ADAMTSL3: variants seen among roughly 807,000 people sequenced by gnomAD.
The protein encoded by ADAMTSL3 is ADAMTS like 3, also known as ADAMTS-like protein 3.
In ADAMTSL3, 128 loss-of-function variants were observed where a neutral mutation model predicts 201.7. The observed-to-expected ratio is 0.63, with a 90% CI of 0.55 to 0.73. The LOEUF (loss-of-function observed/expected upper bound fraction) is 0.73, where lower values mean the gene tolerates loss of function less well. ADAMTSL3 is among the 30% of genes least tolerant of loss of function. The pLI, the probability that ADAMTSL3 is intolerant of heterozygous loss-of-function variation, is 0.00. For missense variants in ADAMTSL3, 1,990 were observed against 2,119.6 expected (o/e 0.94, Z 1.20); for synonymous variants, 738 against 748.4 (o/e 0.99, Z 0.23).
intron 4 of ADAMTSL3, among the ~76,000 whole-genome samples, chr15:83,802,030 G>A (rs2063532749): frequency 6.6e-6 from 1 of 151,950 alleles, no homozygotes; most frequent in South Asian, 2.1e-4. Context: ...TTTCTCCTCT[G>A]CAAGTCTCAA....
rs1024701348 is a variant in ADAMTSL3 at position 83,885,446 on chromosome 15, A to G, written c.1072+234A>G. Reference sequence around the variant, plus strand: ...AAATACCTTTTACTTTTAGCCAAAAAAAAAAAACAAAACAAAACTGTAAAC... The same window carrying G: ...AAATACCTTTTACTTTTAGCCAAAAGAAAAAAACAAAACAAAACTGTAAAC... On this transcript the variant is annotated intron_variant, in intron 10 of 29. Coordinates refer to ENST00000286744, the MANE Select transcript of ADAMTSL3 (RefSeq NM_207517.3). Among the ~76,000 whole-genome samples, 145 of 152,084 alleles carry G rather than the reference A, an allele frequency of 9.5e-4. 1 individual carries two copies. Among genetic ancestry groups the G allele is most frequent in the Non-Finnish European group, 5.3e-4 (36 of 68,008 alleles).
intron 3 of ADAMTSL3, among the ~76,000 whole-genome samples, chr15:83,772,168 T>C (rs546549302): frequency 7.2e-4 from 109 of 152,252 alleles, no homozygotes; most frequent in African/African-American, 2.5e-3. Context: ...TTGGCTCTTA[T>C]AGGTATTTAT....
At chr15:83,905,436 G>T (rs1287892062) in intron 15 of ADAMTSL3, among the ~76,000 whole-genome samples, 1 of 152,176 alleles carries the variant, frequency 6.6e-6, no homozygotes, top group Non-Finnish European at 1.5e-5. Flanking sequence ...GGCCACGCAG[G>T]TTGCTAAGGT....
In ADAMTSL3 at chr15:83,713,420, A is replaced by C. The variant is rs532630262; in HGVS notation, c.189+8912A>C. 7.2e-5 allele frequency among the ~76,000 whole-genome samples: 11 copies of C among 152,232 alleles called. No individual in the cohort carries two copies. In the South Asian group the frequency reaches 1.5e-3, roughly 20 times the overall value. ...CATAGTGAAGGGAGTAGATTTTATT[A>C]GTGTTTGTGATCTTGAGAAAATGCA... is the stretch of plus-strand genomic sequence containing the variant. On this transcript the variant is annotated intron_variant, in intron 3 of 29. Coordinates refer to ENST00000286744, the MANE Select transcript of ADAMTSL3 (RefSeq NM_207517.3).
intron 3 of ADAMTSL3, among the ~76,000 whole-genome samples, chr15:83,763,785 G>A (rs1158936752): frequency 2.0e-5 from 3 of 152,196 alleles, no homozygotes; most frequent in African/African-American, 4.8e-5. Context: ...GATTACAGGC[G>A]TGAGCCACCG....
chr15:83,783,570 C>A (rs1393163241), intron 4 of ADAMTSL3, among the ~76,000 whole-genome samples: 1 of 151,254 alleles, frequency 6.6e-6, no homozygotes, highest in Admixed American at 6.6e-5. Context: ...ATAATGTGAA[C>A]CAAAATGAAA....
chr15:83,838,042 C>A (rs746560344), intron 6 of ADAMTSL3, 47 bp from the exon 7 acceptor site: 2 of 1,579,968 alleles, frequency 1.3e-6, no homozygotes, highest in Non-Finnish European at 1.7e-6. Context: ...GAGAGCTCCC[C>A]CTCCCCTGGC....
intron 19 of ADAMTSL3, among the ~76,000 whole-genome samples, chr15:83,968,116 G>T (rs998646550): frequency 6.6e-6 from 1 of 152,152 alleles, no homozygotes; most frequent in Non-Finnish European, 1.5e-5. Flanking sequence ...TCAGGACATA[G>T]ACATGGGCAA....
chr15:83,987,969 C>T (rs2067511389), intron 21 of ADAMTSL3, among the ~76,000 whole-genome samples: 1 of 152,176 alleles, frequency 6.6e-6, no homozygotes, highest in African/African-American at 2.4e-5. Flanking sequence ...CCCTTCCTAA[C>T]AAAGGTTCTT....
intron 3 of ADAMTSL3, among the ~76,000 whole-genome samples, chr15:83,728,089 G>A (rs2062207372): frequency 6.6e-6 from 1 of 151,616 alleles, no homozygotes; most frequent in African/African-American, 2.4e-5. Flanking sequence ...TATCCTCTTG[G>A]TGTTTTGACC....
intron 19 of ADAMTSL3, among the ~76,000 whole-genome samples, chr15:83,956,544 A>G (rs74026627): frequency 0.037 from 5,662 of 152,230 alleles, 373 homozygotes; most frequent in African/African-American, 0.13. Flanking sequence ...TTCTACTGGA[A>G]TAATAGTGTC....
intron 8 of ADAMTSL3, among the ~76,000 whole-genome samples, chr15:83,860,020 T>C (rs913863854): frequency 1.3e-5 from 2 of 151,692 alleles, no homozygotes; most frequent in African/African-American, 4.8e-5. Context: ...AAAAAAAAAT[T>C]AGCTAGGCAT....
intron 23 of ADAMTSL3, among the ~76,000 whole-genome samples, chr15:84,002,564 C>T (rs370294724): frequency 2.0e-5 from 3 of 152,172 alleles, no homozygotes; most frequent in African/African-American, 4.8e-5. Context: ...ATCCTCCAAA[C>T]AACCATGCAC....
chr15:83,790,691 C>A (rs933063557), intron 4 of ADAMTSL3, among the ~76,000 whole-genome samples: 8 of 152,070 alleles, frequency 5.3e-5, no homozygotes, highest in Non-Finnish European at 8.8e-5. Context: ...ACCACTCTTA[C>A]CATAGGAGAA....
chr15:83,853,652 C>A (rs899638538), intron 7 of ADAMTSL3, among the ~76,000 whole-genome samples: 1 of 152,036 alleles, frequency 6.6e-6, no homozygotes, highest in Non-Finnish European at 1.5e-5. Context: ...GTTGGGTAAA[C>A]TTCATTTGTA....
chr15:83,790,016 A>G (rs1435278194), intron 4 of ADAMTSL3, among the ~76,000 whole-genome samples: 1 of 151,978 alleles, frequency 6.6e-6, no homozygotes, highest in Non-Finnish European at 1.5e-5. Context: ...GGGGCTGAGA[A>G]ATCAAAAGAT....
At chr15:83,681,255 A>G (rs1002985111) in intron 2 of ADAMTSL3, among the ~76,000 whole-genome samples, 2 of 152,238 alleles carry the variant, frequency 1.3e-5, no homozygotes, top group African/African-American at 4.8e-5. Context: ...GCCATCTGAA[A>G]CATTGCAGAT....
intron 6 of ADAMTSL3, among the ~76,000 whole-genome samples, chr15:83,823,857 C>G (rs2063936133): frequency 6.6e-6 from 1 of 151,928 alleles, no homozygotes; most frequent in Non-Finnish European, 1.5e-5. Flanking sequence ...ACCTCCCTGC[C>G]CTTTTAAAAC....
intron 8 of ADAMTSL3, among the ~76,000 whole-genome samples, chr15:83,865,601 C>A (rs1403162908): frequency 6.6e-6 from 1 of 152,142 alleles, no homozygotes; most frequent in Non-Finnish European, 1.5e-5. Context: ...GCACCTTATA[C>A]AAAAATTAAT....
Sources: allele counts gnomAD v4.1 joint callset (sites outside exome capture counted in the v4.1 genomes callset), GRCh38; gene constraint gnomAD v4.1.1; transcripts MANE v1.5; gene names NCBI Gene and HGNC (gene_info 2026-07-23, HGNC 2026-07-21).